PHACTR4: variants seen among roughly 807,000 people sequenced by gnomAD.
PHACTR4 encodes protein phosphatase 1, regulatory subunit 124.
PHACTR4 carries 51 observed loss-of-function variants against 72.7 expected under a neutral mutation model. The ratio of observed to expected loss-of-function variants is 0.70; its 90% CI spans 0.56 to 0.89. The LOEUF is 0.89. Ranked by LOEUF, PHACTR4 falls within the 40% of genes least tolerant of loss-of-function variation. PHACTR4 has a pLI of 0.00. For missense variants in PHACTR4, 731 were observed against 861.8 expected (o/e 0.85, Z 1.90); for synonymous variants, 255 against 302.5 (o/e 0.84, Z 1.63).
At chr1:28,451,891 C>T (rs371842436) in intron 2 of PHACTR4, among the ~76,000 whole-genome samples, 4 of 151,994 alleles carry the variant, frequency 2.6e-5, no homozygotes, top group Admixed American at 6.6e-5. Context: ...CCCACTACCT[C>T]GACCTCCCAG....
intron 1 of PHACTR4, among the ~76,000 whole-genome samples, chr1:28,400,062 C>T (rs889173814): frequency 2.0e-5 from 3 of 152,098 alleles, no homozygotes; most frequent in Non-Finnish European, 4.4e-5. Context: ...CATGTAGGAT[C>T]TTATAGGCCG....
intron 2 of PHACTR4, among the ~76,000 whole-genome samples, chr1:28,446,468 C>G (rs1386873498): frequency 6.6e-6 from 1 of 152,132 alleles, no homozygotes; most frequent in Non-Finnish European, 1.5e-5. Flanking sequence ...AGTAAGTTCT[C>G]ATGAGATCTG....
chr1:28,438,122 A>T, intron 2 of PHACTR4: 1 of 1,131,480 alleles, frequency 8.8e-7, no homozygotes, highest in Non-Finnish European at 1.1e-6. Flanking sequence ...CTTCAGCTCT[A>T]CACAGTGTGC....
intron 2 of PHACTR4, among the ~76,000 whole-genome samples, chr1:28,419,090 T>C (rs1655324910): frequency 7.4e-6 from 1 of 134,734 alleles, no homozygotes. Context: ...TTTTTTAACA[T>C]GCCAATTTAT....
At position 28,480,614 on chromosome 1, in the gene PHACTR4, T is replaced by C. The variant is rs1346593476; in HGVS notation, c.1760+10T>C. ...GAAACACACTGATCCGGTAGGCCTT[T>C]GCTTAGATTTGCTTGATTGATTTGG... On this transcript the variant is annotated intron_variant, in intron 9 of 13. Coordinates refer to ENST00000373839, the MANE Select transcript of PHACTR4 (RefSeq NM_001048183.3). 1 of 1,613,308 alleles carries C rather than the reference T, an allele frequency of 6.2e-7. No individual in the cohort carries two copies. The highest frequency in any genetic ancestry group is 8.5e-7 in the Non-Finnish European group (1 of 1,179,398).
chr1:28,433,169 A>G lies in PHACTR4; in HGVS notation c.16+25706A>G. 3 of 807,478 alleles carry G rather than the reference A, an allele frequency of 3.7e-6. No homozygotes were observed. The South Asian group carries it at 1.7e-4, about 46-fold the overall frequency. The allele number at this position is 807,478 out of a possible 1,614,324, so 50.0% of individuals were successfully genotyped here. A position where few individuals can be genotyped will look rare whatever the true frequency, so the allele number is the denominator to read the frequency against. On this transcript the variant is annotated intron_variant, in intron 2 of 13. Transcript: ENST00000373839. ...TAAAAAGGGAGTATCTTATTAGCTAACAAATAACAAGAGATAGCTGTCTAC... is the reference window on the plus strand; with the variant it reads ...TAAAAAGGGAGTATCTTATTAGCTAGCAAATAACAAGAGATAGCTGTCTAC...
chr1:28,468,784 A>G (rs1464572383), intron 6 of PHACTR4, among the ~76,000 whole-genome samples: 1 of 152,140 alleles, frequency 6.6e-6, no homozygotes, highest in African/African-American at 2.4e-5. Context: ...TAAGCCTGGG[A>G]TGGGCTTGAG....
rs1025175033 is a variant in PHACTR4 at position 28,480,515 on chromosome 1, T to A, written c.1671T>A (p.Ser557Arg). The A allele has an allele frequency of 6.2e-7, 1 of 1,614,158 alleles. No homozygotes were observed. Among genetic ancestry groups the A allele is most frequent in the Non-Finnish European group, 8.5e-7 (1 of 1,180,034 alleles). ...TLAMKLNHRP[S>R]EPELNLNSWP... ...CAATGAAGTTGAACCACAGACCCAG[T>A]GAACCAGAGTTGAACCTGAATTCTT... Residue 557 changes from serine (S) to arginine (R), a missense_variant, in exon 9 of 14, where the codon AGT becomes AGA. Transcript: ENST00000373839.
intron 2 of PHACTR4, among the ~76,000 whole-genome samples, chr1:28,420,122 C>T (rs916757240): frequency 2.0e-5 from 3 of 152,076 alleles, no homozygotes; most frequent in Non-Finnish European, 2.9e-5. Flanking sequence ...TGAGTGGTCT[C>T]GCAGTACTGT....
rs1290920105 is a variant in PHACTR4, at chr1:28,496,785, TGAG to T, written c.*240_*242del. ...GAACCTTTCAATATTGTAGCATGCT[TGAG>T]GAGTTTTTCCCTTACTGGCCACCAA... On this transcript the variant is annotated 3_prime_UTR_variant, in exon 14 of 14. Coordinates refer to ENST00000373839, the MANE Select transcript of PHACTR4 (RefSeq NM_001048183.3). The T allele has an allele frequency of 3.5e-6, 2 of 579,222 alleles. No individual in the cohort carries two copies. The highest frequency in any genetic ancestry group is 2.9e-5 in the East Asian group (1 of 33,980). The allele number at this position is 579,222 out of a possible 1,614,324, so 35.9% of individuals were successfully genotyped here.
At chr1:28,435,152 C>G (rs568048709) in intron 2 of PHACTR4, among the ~76,000 whole-genome samples, 1 of 152,330 alleles carries the variant, frequency 6.6e-6, no homozygotes, top group African/African-American at 2.4e-5. Flanking sequence ...ATACTCTTGA[C>G]CTGGCCCCTC....
At chr1:28,474,750 C>G (rs192532162) in intron 7 of PHACTR4, among the ~76,000 whole-genome samples, 3 of 151,700 alleles carry the variant, frequency 2.0e-5, no homozygotes, top group African/African-American at 4.8e-5. Context: ...AACATGTTGG[C>G]CAGGCTGGTC....
At chr1:28,438,692 T>C (rs1026957668) in intron 2 of PHACTR4, among the ~76,000 whole-genome samples, 6 of 152,220 alleles carry the variant, frequency 3.9e-5, no homozygotes, top group Non-Finnish European at 7.3e-5. Flanking sequence ...TCTTTGAAGT[T>C]TTTTATATTA....
At chr1:28,481,883 C>T (rs1458683033) in intron 9 of PHACTR4, among the ~76,000 whole-genome samples, 3 of 151,686 alleles carry the variant, frequency 2.0e-5, no homozygotes, top group African/African-American at 7.3e-5. Context: ...ATGTAGCTGC[C>T]TGTGAGAGTT....
At chr1:28,389,465 A>G (rs960913013) in intron 1 of PHACTR4, among the ~76,000 whole-genome samples, 1 of 149,870 alleles carries the variant, frequency 6.7e-6, no homozygotes, top group Non-Finnish European at 1.5e-5. Context: ...GGAAATGTAA[A>G]TTTGTATACT....
Position 28,489,241 on chromosome 1 carries a change from G to T in PHACTR4, c.1816+16G>T, listed in dbSNP as rs765255935. On this transcript the variant is annotated intron_variant, in intron 10 of 13. Transcript: ENST00000373839. ...ATATTGCAACGTGAGTCCAGTTATGGAAATAAAGTTGTATAGATTTTCTTT... is the reference window on the plus strand; with the variant it reads ...ATATTGCAACGTGAGTCCAGTTATGTAAATAAAGTTGTATAGATTTTCTTT... 1.9e-6 allele frequency: 3 copies of T among 1,599,112 alleles called. No homozygotes were observed. The highest frequency in any genetic ancestry group is 2.6e-6 in the Non-Finnish European group (3 of 1,169,010).
At chr1:28,376,837 C>G (rs974219074) in intron 1 of PHACTR4, among the ~76,000 whole-genome samples, 3 of 149,954 alleles carry the variant, frequency 2.0e-5, no homozygotes, top group African/African-American at 7.4e-5. Flanking sequence ...CAGGGTTTCA[C>G]TATGTTAGCC....
chr1:28,407,381 G>A, intron 1 of PHACTR4, 29 bp from the exon 2 acceptor site: 1 of 1,234,970 alleles, frequency 8.1e-7, no homozygotes, highest in Middle Eastern at 1.9e-4. Flanking sequence ...TATGTATTAA[G>A]TGTATCATTT....
intron 2 of PHACTR4, among the ~76,000 whole-genome samples, chr1:28,418,283 C>T (rs1454700764): frequency 3.3e-5 from 5 of 149,980 alleles, no homozygotes; most frequent in East Asian, 2.0e-4. Flanking sequence ...CCCAACATGG[C>T]GAAAGCCTGA....
Sources: allele counts gnomAD v4.1 joint callset (sites outside exome capture counted in the v4.1 genomes callset), GRCh38; gene constraint gnomAD v4.1.1; transcripts MANE v1.5; gene names NCBI Gene and HGNC (gene_info 2026-07-23, HGNC 2026-07-21).